PTDSS1: variants seen among roughly 807,000 people sequenced by gnomAD.
PTDSS1 encodes the protein PSS-1.
A neutral mutation model predicts 70.5 loss-of-function variants in PTDSS1; 45 were observed. The observed-to-expected ratio is 0.64, with a 90% CI of 0.50 to 0.82. The LOEUF is 0.82. Ranked by LOEUF, PTDSS1 falls within the 40% of genes least tolerant of loss-of-function variation. PTDSS1 has a pLI of 0.00. For missense variants in PTDSS1, 417 were observed against 586.1 expected (o/e 0.71, Z 2.98); for synonymous variants, 188 against 203.8 (o/e 0.92, Z 0.66).
chr8:96,280,297 G>A (rs1316741282), intron 2 of PTDSS1, among the ~76,000 whole-genome samples: 3 of 152,170 alleles, frequency 2.0e-5, no homozygotes, highest in Non-Finnish European at 4.4e-5. Context: ...GGAGGTGGGC[G>A]GATCACTCGA....
Position 96,305,472 on chromosome 8 carries a change from C to T in PTDSS1, c.895-972C>T, listed in dbSNP as rs3808479. 1.1e-4 allele frequency among the ~76,000 whole-genome samples: 17 copies of T among 152,234 alleles called. No individual in the cohort carries two copies. The East Asian group carries it at 2.1e-3, about 19-fold the overall frequency. On this transcript the variant is annotated intron_variant, in intron 7 of 12. Coordinates refer to ENST00000517309, the MANE Select transcript of PTDSS1 (RefSeq NM_014754.3). ...CTGGGCTCTAGGCAGAGAGCAGCCACGTCCCAGCCACAAGATATTTTGTGC... is the reference window on the plus strand; with the variant it reads ...CTGGGCTCTAGGCAGAGAGCAGCCATGTCCCAGCCACAAGATATTTTGTGC...
chr8:96,321,008 T>C (rs1462775592), intron 10 of PTDSS1, among the ~76,000 whole-genome samples: 2 of 152,280 alleles, frequency 1.3e-5, no homozygotes, highest in African/African-American at 4.8e-5. Flanking sequence ...GTTATTATTT[T>C]GAAGAAAAGT....
chr8:96,302,841 CA>C (rs1462663129), intron 6 of PTDSS1, among the ~76,000 whole-genome samples: 17 of 152,146 alleles, frequency 1.1e-4, no homozygotes, highest in African/African-American at 3.6e-4. Context: ...CTCAGCCTCC[CA>C]AAGTGCTGGG....
intron 9 of PTDSS1, among the ~76,000 whole-genome samples, chr8:96,317,509 T>C (rs2130148994): frequency 6.6e-6 from 1 of 152,064 alleles, no homozygotes; most frequent in East Asian, 1.9e-4. Context: ...CTGAGGTGGG[T>C]GGATCACTTG....
At chr8:96,322,035 G>T (rs1811379109) in intron 10 of PTDSS1, among the ~76,000 whole-genome samples, 3 of 152,138 alleles carry the variant, frequency 2.0e-5, no homozygotes, top group Middle Eastern at 3.2e-3. Context: ...GCAGGGGGCA[G>T]AGGTGGGTGC....
intron 12 of PTDSS1, 101 bp downstream of exon 12, chr8:96,331,196 T>C (rs1226852619): frequency 8.8e-7 from 1 of 1,130,262 alleles, no homozygotes; most frequent in African/African-American, 1.5e-5. Flanking sequence ...TTGAAGGGTC[T>C]CAGGCCTACC....
In PTDSS1 at chr8:96,262,318, G is replaced by T; in HGVS notation, c.179+99G>T. Reference sequence around the variant, plus strand: ...GGGGCCCGGCATGGCTCTGGGTGAGGAAGTGGGCTGGCTGCTCCACGCACA... The same window carrying T: ...GGGGCCCGGCATGGCTCTGGGTGAGTAAGTGGGCTGGCTGCTCCACGCACA... On this transcript the variant is annotated intron_variant, in intron 1 of 12. Transcript: ENST00000517309. This position sits in a 1 kb window ranked among gnomAD's most constrained non-coding sequence, Gnocchi z 4.4. 2.9e-6 allele frequency: 4 copies of T among 1,401,412 alleles called. No individual in the cohort carries two copies. Among genetic ancestry groups the T allele is most frequent in the Non-Finnish European group, 3.8e-6 (4 of 1,041,066 alleles). 86.8% of individuals were successfully genotyped at this position (1,401,412 alleles called of 1,614,324 possible).
chr8:96,269,061 G>T (rs1810525638), intron 1 of PTDSS1, among the ~76,000 whole-genome samples: 1 of 152,150 alleles, frequency 6.6e-6, no homozygotes. Flanking sequence ...TGTACATTTG[G>T]TATTTTCACA....
chr8:96,309,347 C>A (rs551254769), intron 8 of PTDSS1: 30 of 439,390 alleles, frequency 6.8e-5, no homozygotes, highest in African/African-American at 5.5e-4. Flanking sequence ...TTAAATGATG[C>A]TCCCCTGCCT....
Position 96,335,838 on chromosome 8 carries a change from G to A in PTDSS1, c.*2272G>A, listed in dbSNP as rs1209423608. On this transcript the variant is annotated 3_prime_UTR_variant, in exon 13 of 13. Coordinates refer to ENST00000517309, the MANE Select transcript of PTDSS1 (RefSeq NM_014754.3). ...TATGGAAATAAACCTCACATTGATG[G>A]AAATAGAATGCGTGTTTCAGAATCA... 1 of 152,152 alleles carries A rather than the reference G, an allele frequency of 6.6e-6. No homozygotes were observed. The highest frequency in any genetic ancestry group is 2.4e-5 in the African/African-American group (1 of 41,420). The allele number at this position is 152,152 out of a possible 1,614,324, so 9.4% of individuals were successfully genotyped here.
intron 1 of PTDSS1, among the ~76,000 whole-genome samples, chr8:96,271,778 A>G (rs1290378752): frequency 6.6e-6 from 1 of 152,244 alleles, no homozygotes; most frequent in Non-Finnish European, 1.5e-5. Flanking sequence ...TTAACTTACC[A>G]TGAGTGAGGC....
intron 2 of PTDSS1, among the ~76,000 whole-genome samples, chr8:96,281,952 G>A (rs1046366290): frequency 3.9e-5 from 6 of 152,200 alleles, no homozygotes; most frequent in Non-Finnish European, 8.8e-5. Flanking sequence ...ACAGCCTGGT[G>A]CATAGTAAGT....
rs566786657 is a variant in PTDSS1, at chr8:96,333,927, G to A, written c.*361G>A. The A allele has an allele frequency of 2.1e-5, 12 of 582,348 alleles. No individual in the cohort carries two copies. Among genetic ancestry groups the A allele is most frequent in the African/African-American group, 7.4e-5 (4 of 53,702 alleles). 36.1% of individuals were successfully genotyped at this position (582,348 alleles called of 1,614,324 possible). On this transcript the variant is annotated 3_prime_UTR_variant, in exon 13 of 13. Coordinates refer to ENST00000517309, the MANE Select transcript of PTDSS1 (RefSeq NM_014754.3). ...GCAGCGTAAACATCTTCCTTCAGAC[G>A]AGGCATTAACCCCATGGTTAATGGA... is the stretch of plus-strand genomic sequence containing the variant.
chr8:96,318,926 T>G (rs1394396885), intron 9 of PTDSS1, among the ~76,000 whole-genome samples: 1 of 141,618 alleles, frequency 7.1e-6, no homozygotes, highest in Admixed American at 7.0e-5. Context: ...TTTTTTTTTT[T>G]TTGAGGCAGA....
chr8:96,300,877 G>A (rs1180935102), intron 6 of PTDSS1, among the ~76,000 whole-genome samples: 1 of 151,488 alleles, frequency 6.6e-6, no homozygotes, highest in Non-Finnish European at 1.5e-5. Flanking sequence ...CCTTTTTTTT[G>A]GTAAATAAAT....
In PTDSS1 at chr8:96,261,917, C is replaced by T; in HGVS notation, c.-124C>T. On this transcript the variant is annotated 5_prime_UTR_variant, in exon 1 of 13. Transcript: ENST00000517309. ...GCCTGTCCTTCCCTCTGCTCCCAGC[C>T]TTTGCTGGGCGCCAGACCCGGCTTT... 2.8e-6 allele frequency: 3 copies of T among 1,063,316 alleles called. No homozygotes were observed. The highest frequency in any genetic ancestry group is 4.0e-6 in the Non-Finnish European group (3 of 753,442). The allele number at this position is 1,063,316 out of a possible 1,614,324, so 65.9% of individuals were successfully genotyped here. A position where few individuals can be genotyped will look rare whatever the true frequency, so the allele number is the denominator to read the frequency against.
At chr8:96,275,576 C>G (rs777877372) in intron 2 of PTDSS1, among the ~76,000 whole-genome samples, 1 of 152,200 alleles carries the variant, frequency 6.6e-6, no homozygotes, top group East Asian at 1.9e-4. Flanking sequence ...TCAAGAGTGC[C>G]GTATTGTATA....
At chr8:96,267,387 C>A (rs1489047925) in intron 1 of PTDSS1, among the ~76,000 whole-genome samples, 1 of 152,152 alleles carries the variant, frequency 6.6e-6, no homozygotes, top group Non-Finnish European at 1.5e-5. Flanking sequence ...CGGGACTGTT[C>A]TCTTTCCGTT....
intron 4 of PTDSS1, 27 bp from the exon 5 acceptor site, chr8:96,295,071 A>G (rs759631768): frequency 3.2e-5 from 51 of 1,574,278 alleles, no homozygotes; most frequent in Non-Finnish European, 3.1e-5. Context: ...GAGTTTCACT[A>G]ATTATTCTCT....
Sources: allele counts gnomAD v4.1 joint callset (sites outside exome capture counted in the v4.1 genomes callset), GRCh38; gene constraint gnomAD v4.1.1; non-coding constraint Gnocchi (gnomAD v3.1); transcripts MANE v1.5; gene names NCBI Gene and HGNC (gene_info 2026-07-23, HGNC 2026-07-21).